The following GINS1 variants were observed in gnomAD, a reference collection of about 807,000 sequenced individuals.
The protein encoded by GINS1 is DNA replication complex GINS protein PSF1.
A neutral mutation model predicts 34.9 loss-of-function variants in GINS1; 26 were observed. The ratio of observed to expected loss-of-function variants is 0.74; its 90% confidence interval spans 0.55 to 1.03. The LOEUF (loss-of-function observed/expected upper bound fraction) is 1.03, where lower values mean the gene tolerates loss of function less well. Ranked by LOEUF, GINS1 falls within the 50% of genes least tolerant of loss-of-function variation. GINS1 has a pLI of 0.00. For missense variants in GINS1, 235 were observed against 237.9 expected (o/e 0.99, Z 0.08); for synonymous variants, 97 against 84.4 (o/e 1.15, Z -0.82).
chr20:25,418,339 GA>G, intron 4 of GINS1, 144 bp downstream of exon 4: 3 of 630,274 alleles, frequency 4.8e-6, no homozygotes, highest in Non-Finnish European at 8.6e-6. Context: ...TATATAATGT[GA>G]GGGGAACTAT....
chr20:25,440,837 GAAAAA>G (rs2090478532), intron 5 of GINS1, among the ~76,000 whole-genome samples: 1 of 143,358 alleles, frequency 7.0e-6, no homozygotes, highest in Non-Finnish European at 1.5e-5. Flanking sequence ...AAAAAAGAAA[GAAAAA>G]ACAGCAAATG....
chr20:25,411,540 T>G (rs1176196743), intron 1 of GINS1, among the ~76,000 whole-genome samples: 1 of 152,152 alleles, frequency 6.6e-6, no homozygotes, highest in Non-Finnish European at 1.5e-5. Context: ...GGCTCCTGCC[T>G]GTACTCGCAG....
At position 25,409,104 on chromosome 20, in the gene GINS1, A is replaced by C. The variant is rs2090267043; in HGVS notation, c.75+1209A>C. The C allele has an allele frequency of 3.4e-6, 3 of 870,876 alleles. No individual in the cohort carries two copies. In the African/African-American group the frequency reaches 5.5e-5, roughly 16 times the overall value. The allele number at this position is 870,876 out of a possible 1,614,324, so 53.9% of individuals were successfully genotyped here. A position where few individuals can be genotyped will look rare whatever the true frequency, so the allele number is the denominator to read the frequency against. On this transcript the variant is annotated intron_variant, in intron 1 of 6. Transcript: ENST00000262460. Reference sequence around the variant, plus strand: ...AGGCATCCCAGCCAAAGGATGCTGCAGCACAAAGTCACGTGGTCACACTGG... The same window carrying C: ...AGGCATCCCAGCCAAAGGATGCTGCCGCACAAAGTCACGTGGTCACACTGG...
intron 6 of GINS1, among the ~76,000 whole-genome samples, chr20:25,443,358 T>G (rs1448553567): frequency 6.6e-6 from 1 of 152,154 alleles, no homozygotes; most frequent in Non-Finnish European, 1.5e-5. Context: ...GATAAGCAGC[T>G]ATATTTCTGG....
At chr20:25,444,550 T>C (rs1000008557) in intron 6 of GINS1, among the ~76,000 whole-genome samples, 2 of 152,218 alleles carry the variant, frequency 1.3e-5, no homozygotes, top group Admixed American at 1.3e-4. Context: ...TTTGAGTTTG[T>C]GAGGCAGGAC....
intron 6 of GINS1, among the ~76,000 whole-genome samples, chr20:25,444,954 G>A (rs1031359334): frequency 6.6e-6 from 1 of 152,196 alleles, no homozygotes; most frequent in Admixed American, 6.5e-5. Context: ...AGGTTTTATG[G>A]AGAAATGAGC....
intron 6 of GINS1, among the ~76,000 whole-genome samples, chr20:25,442,720 C>A (rs2090489594): frequency 6.6e-6 from 1 of 151,546 alleles, no homozygotes; most frequent in Non-Finnish European, 1.5e-5. Context: ...TGATCCCCCA[C>A]CTCAGCCTCC....
At position 25,407,790 on chromosome 20, in the gene GINS1, G is replaced by A. The variant is rs2090255143; in HGVS notation, c.-31G>A. ...CATTTTGGCGTGAGAGCTGGTGGTT[G>A]GCAAGGCCGCGGGAGTGGGAAGCGT... On this transcript the variant is annotated 5_prime_UTR_variant, in exon 1 of 7. Transcript: ENST00000262460. 6.3e-7 allele frequency: 1 copy of A among 1,591,218 alleles called. No individual in the cohort carries two copies. The highest frequency in any genetic ancestry group is 1.3e-5 in the African/African-American group (1 of 74,384).
intron 1 of GINS1, among the ~76,000 whole-genome samples, chr20:25,412,278 G>A (rs1250794999): frequency 6.6e-6 from 1 of 151,894 alleles, no homozygotes; most frequent in Non-Finnish European, 1.5e-5. Flanking sequence ...TTTAAGCTGG[G>A]CCCAGTGGCT....
At position 25,445,962 on chromosome 20, in the gene GINS1, CAAG is replaced by C; in HGVS notation, c.563_565del (p.Gln188_Gly189delinsArg). ...ATGGAAATGTGAGCAGCTGATCAGA[CAAG>C]GAGTCCTGGAGCACATCCTGTCATG... is the stretch of plus-strand genomic sequence containing the variant. On this transcript the variant is annotated inframe_deletion, in exon 7 of 7. Coordinates refer to ENST00000262460, the MANE Select transcript of GINS1 (RefSeq NM_021067.5). 1 of 1,611,744 alleles carries C rather than the reference CAAG, an allele frequency of 6.2e-7. No individual in the cohort carries two copies. Among genetic ancestry groups the C allele is most frequent in the Non-Finnish European group, 8.5e-7 (1 of 1,177,964 alleles).
intron 5 of GINS1, among the ~76,000 whole-genome samples, chr20:25,441,263 A>G (rs2090480744): frequency 6.6e-6 from 1 of 152,182 alleles, no homozygotes; most frequent in South Asian, 2.1e-4. Flanking sequence ...TGAATTTTGA[A>G]TGGGATTGGA....
chr20:25,407,985 A>C, intron 1 of GINS1, 90 bp downstream of exon 1: 1 of 918,804 alleles, frequency 1.1e-6, no homozygotes, highest in Non-Finnish European at 1.8e-6. Flanking sequence ...TCACTTTCGC[A>C]CCTTGTTCCC....
intron 4 of GINS1, among the ~76,000 whole-genome samples, chr20:25,424,494 T>G (rs2090379321): frequency 6.6e-6 from 1 of 152,222 alleles, no homozygotes; most frequent in Admixed American, 6.5e-5. Context: ...ACTGTGAAGT[T>G]TACCATCTTA....
chr20:25,420,767 G>A, intron 4 of GINS1: 1 of 590,536 alleles, frequency 1.7e-6, no homozygotes, highest in South Asian at 7.9e-5. Flanking sequence ...GGGAGAGAGA[G>A]TGAGACCCTG....
chr20:25,442,411 C>A (rs959481367), intron 6 of GINS1, among the ~76,000 whole-genome samples: 2 of 151,826 alleles, frequency 1.3e-5, no homozygotes, highest in Admixed American at 6.6e-5. Context: ...AGAGATGGGG[C>A]CTTGCTATGT....
At chr20:25,418,827 C>G (rs1206221123) in intron 4 of GINS1, among the ~76,000 whole-genome samples, 4 of 152,186 alleles carry the variant, frequency 2.6e-5, no homozygotes, top group Non-Finnish European at 5.9e-5. Flanking sequence ...AAATTGCTGG[C>G]CCTGTGATTG....
At chr20:25,433,544 G>A (rs760759826) in intron 5 of GINS1, among the ~76,000 whole-genome samples, 20 of 151,868 alleles carry the variant, frequency 1.3e-4, no homozygotes, top group Non-Finnish European at 2.8e-4. Flanking sequence ...ATAACAATAA[G>A]GAAAAAAAGT....
At chr20:25,432,544 A>G (rs1255881588) in intron 5 of GINS1, among the ~76,000 whole-genome samples, 2 of 151,738 alleles carry the variant, frequency 1.3e-5, no homozygotes, top group East Asian at 3.9e-4. Flanking sequence ...TTGGCTCACT[A>G]CAACCTCCAT....
chr20:25,422,718 C>T (rs1420448158), intron 4 of GINS1, among the ~76,000 whole-genome samples: 1 of 152,322 alleles, frequency 6.6e-6, no homozygotes, highest in South Asian at 2.1e-4. Flanking sequence ...ATGACTTTCA[C>T]TAAATGTAAT....
Sources: allele counts gnomAD v4.1 joint callset (sites outside exome capture counted in the v4.1 genomes callset), GRCh38; gene constraint gnomAD v4.1.1; transcripts MANE v1.5; gene names NCBI Gene and HGNC (gene_info 2026-07-23, HGNC 2026-07-21).